Variants in IMMT observed in about 807,000 individuals in gnomAD.
IMMT encodes the protein MICOS complex subunit MIC60.
In IMMT, 40 loss-of-function variants were observed where a neutral mutation model predicts 92.7. The observed-to-expected ratio is 0.43, with a 90% CI of 0.34 to 0.56. IMMT has a LOEUF of 0.56. Among genes scored for constraint, IMMT ranks in the 20% least tolerant of loss-of-function variants. The pLI is 0.03. For synonymous variants in IMMT, 322 were observed against 336.1 expected (o/e 0.96, Z 0.46); for missense variants, 831 against 912.1 (o/e 0.91, Z 1.14).
intron 10 of IMMT, among the ~76,000 whole-genome samples, chr2:86,156,063 TTTA>T: frequency 6.6e-6 from 1 of 152,312 alleles, no homozygotes; most frequent in Non-Finnish European, 1.5e-5. Context: ...TGGCCCTTTC[TTTA>T]GCACAGGCTT....
intron 8 of IMMT, among the ~76,000 whole-genome samples, chr2:86,160,633 A>AACTAAAATC (rs1338819968): frequency 6.6e-6 from 1 of 152,132 alleles, no homozygotes; most frequent in Non-Finnish European, 1.5e-5. Context: ...AGTGACAAAT[A>AACTAAAATC]ACTATTCCAT....
rs1675132850 is a variant in IMMT at position 86,147,776 on chromosome 2, C to T, written c.1459G>A (p.Ala487Thr). The change falls in exon 13 of 15, where the codon GCA (alanine) becomes ACA (threonine). Residue 487 changes from alanine (A) to threonine (T), a missense_variant. Physicochemically the swap from Ala to Thr is moderately conservative, Grantham distance 58 (BLOSUM62 0). Transcript: ENST00000410111. Reference protein sequence around the residue: ...NEMRTQLRRQAAAHTDHLRDV... With the variant: ...NEMRTQLRRQTAAHTDHLRDV... ...CGCAAGTGATCAGTGTGGGCAGCTG[C>T]CTGTCGGCGAAGCTGGGTTCTCATT... The T allele has an allele frequency of 8.1e-6, 13 of 1,613,912 alleles. No individual in the cohort carries two copies. Among genetic ancestry groups the T allele is most frequent in the Non-Finnish European group, 1.1e-5 (13 of 1,179,816 alleles).
chr2:86,171,156 G>C (rs1677055979), intron 5 of IMMT, 52 bp downstream of exon 5: 1 of 1,473,016 alleles, frequency 6.8e-7, no homozygotes, highest in African/African-American at 1.4e-5. Context: ...GCATTAAATA[G>C]TTCTGATGAG....
rs1270116808 is a variant in IMMT at position 86,162,116 on chromosome 2, CT to C, written c.793-38del. 6.2e-6 allele frequency: 8 copies of C among 1,283,940 alleles called. No homozygotes were observed. The East Asian group carries it at 2.1e-4, about 33-fold the overall frequency. The allele number at this position is 1,283,940 out of a possible 1,614,324, so 79.5% of individuals were successfully genotyped here. ...ATTTTAATTATATAATAAATAACTGCTATTATTGTCATATGATAGGCCAACA... is the reference window on the plus strand; with the variant it reads ...ATTTTAATTATATAATAAATAACTGCATTATTGTCATATGATAGGCCAACA... On this transcript the variant is annotated intron_variant, in intron 7 of 14. Transcript: ENST00000410111.
intron 7 of IMMT, among the ~76,000 whole-genome samples, chr2:86,166,134 C>G (rs1676655315): frequency 6.6e-6 from 1 of 152,132 alleles, no homozygotes; most frequent in Non-Finnish European, 1.5e-5. Context: ...GAGTTCCAGT[C>G]CAGCCTGGCC....
chr2:86,176,991 G>A (rs1677474659), intron 3 of IMMT, among the ~76,000 whole-genome samples: 1 of 152,192 alleles, frequency 6.6e-6, no homozygotes, highest in Non-Finnish European at 1.5e-5. Context: ...AAGTCCATAG[G>A]GAAGAATAAA....
intron 1 of IMMT, among the ~76,000 whole-genome samples, chr2:86,193,407 C>A (rs374881787): frequency 1.2e-3 from 168 of 137,756 alleles, no homozygotes; most frequent in Non-Finnish European, 1.2e-3. Context: ...ACTCCGTATC[C>A]AAAAAAAAAA....
chr2:86,163,959 C>CAAAAAAAAAAAAAA lies in IMMT; in HGVS notation c.793-1881_793-1880insTTTTTTTTTTTTTT, dbSNP rs70953998. On this transcript the variant is annotated intron_variant, in intron 7 of 14. Coordinates refer to ENST00000410111, the MANE Select transcript of IMMT (RefSeq NM_006839.3). ...GGGCAACAAAGCAAGACTCCATCTC[C>CAAAAAAAAAAAAAA]AAAAAAAAAGAATGTTCTATGTAAA... Among the ~76,000 whole-genome samples the CAAAAAAAAAAAAAA allele has an allele frequency of 2.6e-3, 238 of 91,532 alleles. 5 individuals are homozygous for CAAAAAAAAAAAAAA. The highest frequency in any genetic ancestry group is 3.0e-3 in the Non-Finnish European group (129 of 43,298). The allele number at this position is 91,532 out of a possible 152,430, so 60.0% of individuals were successfully genotyped here.
chr2:86,169,880 C>T (rs1676965946), intron 6 of IMMT, among the ~76,000 whole-genome samples: 2 of 151,440 alleles, frequency 1.3e-5, no homozygotes, highest in African/African-American at 2.4e-5. Flanking sequence ...AGTAAGAGCC[C>T]ATCTCTTAAA....
At position 86,195,398 on chromosome 2, in the gene IMMT, G is replaced by C. The variant is rs763356600; in HGVS notation, c.-16C>G. On this transcript the variant is annotated 5_prime_UTR_variant, in exon 1 of 15. Coordinates refer to ENST00000410111, the MANE Select transcript of IMMT (RefSeq NM_006839.3). The stretch of plus-strand genomic sequence containing the variant: ...CCCGCAGCATCTCGGTCAAGCGGAC[G>C]GCGCTGCTGGTGGACTCGAGCTGCC... 5.2e-6 allele frequency: 8 copies of C among 1,546,842 alleles called. No homozygotes were observed. The highest frequency in any genetic ancestry group is 1.2e-5 in the South Asian group (1 of 83,504).
intron 14 of IMMT, among the ~76,000 whole-genome samples, chr2:86,145,126 T>C (rs567123439): frequency 6.6e-6 from 1 of 152,056 alleles, no homozygotes; most frequent in Non-Finnish European, 1.5e-5. Flanking sequence ...CCTTTACTAG[T>C]TGAGAAAGAA....
At chr2:86,157,964 C>T (rs116195806) in intron 10 of IMMT, among the ~76,000 whole-genome samples, 43 of 152,018 alleles carry the variant, frequency 2.8e-4, no homozygotes, top group Non-Finnish European at 5.4e-4. Context: ...TAAAAATAAA[C>T]GGTATTTTAA....
At chr2:86,191,747 C>CAAAAAAAAAA (rs572412565) in intron 1 of IMMT, among the ~76,000 whole-genome samples, 194 of 115,472 alleles carry the variant, frequency 1.7e-3, no homozygotes, top group Middle Eastern at 5.4e-3. Context: ...ACTAAAAATA[C>CAAAAAAAAAA]AAAAAAAAAA....
chr2:86,183,536 T>C (rs1398970400), intron 1 of IMMT, among the ~76,000 whole-genome samples: 1 of 152,218 alleles, frequency 6.6e-6, no homozygotes, highest in Non-Finnish European at 1.5e-5. Context: ...GACTATAAGT[T>C]AAAAGCTCCT....
At chr2:86,178,174 C>T (rs1216075652) in intron 3 of IMMT, among the ~76,000 whole-genome samples, 1 of 151,866 alleles carries the variant, frequency 6.6e-6, no homozygotes, top group East Asian at 1.9e-4. Context: ...AAAAATTAGC[C>T]AGGCGTGGTG....
intron 12 of IMMT, 131 bp from the exon 13 acceptor site, chr2:86,147,964 TG>T (rs1343167572): frequency 2.6e-6 from 2 of 761,820 alleles, no homozygotes; most frequent in Non-Finnish European, 2.1e-6. Context: ...GCCAGGCATG[TG>T]TACACTTCTA....
intron 3 of IMMT, among the ~76,000 whole-genome samples, chr2:86,178,124 G>A (rs1385643013): frequency 6.6e-6 from 1 of 151,570 alleles, no homozygotes; most frequent in Non-Finnish European, 1.5e-5. Flanking sequence ...GATCATCCTG[G>A]CTAACACAGT....
At chr2:86,177,896 C>T (rs965727754) in intron 3 of IMMT, among the ~76,000 whole-genome samples, 1 of 152,200 alleles carries the variant, frequency 6.6e-6, no homozygotes, top group Non-Finnish European at 1.5e-5. Context: ...TACCTCTACC[C>T]AAGTATCTCC....
intron 1 of IMMT, among the ~76,000 whole-genome samples, chr2:86,194,403 G>A (rs920081471): frequency 6.6e-6 from 1 of 152,184 alleles, no homozygotes; most frequent in Admixed American, 6.5e-5. Context: ...TCCTATGGAA[G>A]GGGCTGCTTC....
Sources: gnomAD v4.1 joint callset for allele counts (sites outside exome capture counted in the v4.1 genomes callset) on GRCh38, gnomAD v4.1.1 for gene constraint, MANE v1.5 for transcripts, NCBI Gene and HGNC (gene_info 2026-07-23, HGNC 2026-07-21) for gene names.